The following DISP1 variants were observed in gnomAD, a reference collection of about 807,000 sequenced individuals.
DISP1 encodes dispatched RND transporter family member 1.
A neutral mutation model predicts 37.3 loss-of-function variants in DISP1; 30 were observed. The observed-to-expected ratio is 0.80, with a 90% CI of 0.60 to 1.09. DISP1 has a LOEUF of 1.09. Among genes scored for constraint, DISP1 ranks in the 50% least tolerant of loss-of-function variants. The pLI is 0.00. For synonymous variants in DISP1, 634 were observed against 690.2 expected (o/e 0.92, Z 1.28); for missense variants, 1,598 against 1,879.5 (o/e 0.85, Z 2.77).
intron 1 of DISP1, among the ~76,000 whole-genome samples, chr1:222,905,953 T>C (rs1376369675): frequency 6.6e-6 from 1 of 152,242 alleles, no homozygotes; most frequent in Non-Finnish European, 1.5e-5. Flanking sequence ...AAATATGTTA[T>C]CTAAAAAGTT....
At chr1:222,924,591 G>T (rs112551409) in intron 1 of DISP1, among the ~76,000 whole-genome samples, 454 of 152,212 alleles carry the variant, frequency 3.0e-3, no homozygotes, top group African/African-American at 0.01. Context: ...ATCCAATATA[G>T]AATATTATCT....
At chr1:222,952,795 C>T (rs1025687649) in intron 3 of DISP1, among the ~76,000 whole-genome samples, 4 of 152,048 alleles carry the variant, frequency 2.6e-5, no homozygotes, top group Admixed American at 6.5e-5. Flanking sequence ...TGCAGTGAGC[C>T]GAGATCGCGC....
At chr1:222,992,878 T>TTTTTTTTTTTTTTG (rs1678803004) in intron 7 of DISP1, among the ~76,000 whole-genome samples, 1 of 149,576 alleles carries the variant, frequency 6.7e-6, no homozygotes, top group Non-Finnish European at 1.5e-5. Flanking sequence ...TTTTTTTTTT[T>TTTTTTTTTTTTTTG]GAGACAGAGT....
rs768099137 is a variant in DISP1 at position 223,004,932 on chromosome 1, G to T, written c.3535G>T (p.Asp1179Tyr). ...ACATACCATAAATGCTTATCATTTAGATCCCAGGGGCCCAAAATCTGAACT... is the reference window on the plus strand; with the variant it reads ...ACATACCATAAATGCTTATCATTTATATCCCAGGGGCCCAAAATCTGAACT... ...KTHTINAYHL[D>Y]PRGPKSELEH... is the part of the protein sequence containing the mutation. The change falls in exon 9 of 9, where the codon GAT (aspartate) becomes TAT (tyrosine). Residue 1179 changes from aspartate (D) to tyrosine (Y), a missense_variant. Asp to Tyr is a radical substitution (Grantham distance 160, BLOSUM62 -3). Coordinates refer to ENST00000675850, the MANE Select transcript of DISP1 (RefSeq NM_001377229.1). This position sits in a 1 kb window ranked among gnomAD's most constrained non-coding sequence, Gnocchi z 4.9. 3.1e-6 allele frequency: 5 copies of T among 1,612,672 alleles called. No individual in the cohort carries two copies. The highest frequency in any genetic ancestry group is 3.4e-6 in the Non-Finnish European group (4 of 1,180,030).
intron 1 of DISP1, among the ~76,000 whole-genome samples, chr1:222,912,427 T>A (rs1672260763): frequency 6.6e-6 from 1 of 152,220 alleles, no homozygotes; most frequent in South Asian, 2.1e-4. Context: ...GTTTCCTACT[T>A]TTCCCTCAGA....
intron 1 of DISP1, among the ~76,000 whole-genome samples, chr1:222,825,131 C>G (rs2125177136): frequency 6.9e-6 from 1 of 145,148 alleles, no homozygotes; most frequent in African/African-American, 2.6e-5. Flanking sequence ...CAAATAGTCT[C>G]TCCCCAGGGA....
intron 1 of DISP1, among the ~76,000 whole-genome samples, chr1:222,821,223 G>A (rs1326260891): frequency 1.3e-5 from 2 of 152,182 alleles, no homozygotes; most frequent in Non-Finnish European, 2.9e-5. Context: ...TAATTCAGAT[G>A]GGGTTGGGAA....
chr1:222,839,291 A>G (rs1336443846), intron 1 of DISP1, among the ~76,000 whole-genome samples: 1 of 152,184 alleles, frequency 6.6e-6, no homozygotes, highest in Non-Finnish European at 1.5e-5. Context: ...CATGCTTCTT[A>G]TGAGAATCTA....
At chr1:222,903,815 T>C (rs1671749415) in intron 1 of DISP1, among the ~76,000 whole-genome samples, 1 of 152,216 alleles carries the variant, frequency 6.6e-6, no homozygotes, top group South Asian at 2.1e-4. Flanking sequence ...ACCTAAGCCA[T>C]TCCCAGGTTC....
At position 222,943,268 on chromosome 1, in the gene DISP1, C is replaced by T. The variant is rs1473058343; in HGVS notation, c.445C>T (p.Leu149=). 2 of 1,614,130 alleles carry T rather than the reference C, an allele frequency of 1.2e-6. No individual in the cohort carries two copies. Among genetic ancestry groups the T allele is most frequent in the African/African-American group, 1.3e-5 (1 of 75,066 alleles). The part of the protein sequence containing the change: ...CCLQPSPSFC[L]HHPWPDHFQH... ...TCTTCAGCCCTCTCCATCCTTCTGC[C>T]TGCATCATCCGTGGCCTGACCATTT... Residue 149 remains leucine, a synonymous_variant, in exon 3 of 9, where the codon CTG becomes TTG. Transcript: ENST00000675850.
intron 8 of DISP1, among the ~76,000 whole-genome samples, chr1:223,001,404 C>A (rs879542011): frequency 4.6e-5 from 7 of 152,118 alleles, no homozygotes; most frequent in African/African-American, 1.4e-4. Context: ...ATATTTTAAT[C>A]CAGAAACATT....
At chr1:222,842,896 C>T (rs901545283) in intron 1 of DISP1, among the ~76,000 whole-genome samples, 5 of 151,966 alleles carry the variant, frequency 3.3e-5, no homozygotes, top group Non-Finnish European at 5.9e-5. Flanking sequence ...GACAGTGTAA[C>T]AGTAGATCTA....
chr1:222,962,809 C>T (rs1038413825), intron 3 of DISP1, among the ~76,000 whole-genome samples: 1 of 152,088 alleles, frequency 6.6e-6, no homozygotes, highest in African/African-American at 2.4e-5. Flanking sequence ...AATGTAAAAC[C>T]CAAAACCATA....
chr1:223,002,311 G>T, intron 8 of DISP1, 74 bp from the exon 9 acceptor site: 2 of 1,340,234 alleles, frequency 1.5e-6, no homozygotes, highest in Non-Finnish European at 2.1e-6. Flanking sequence ...TCACCTTAGT[G>T]CAGTCCTTTC....
chr1:222,994,768 T>G lies in DISP1; in HGVS notation c.890-117T>G, dbSNP rs1002771045. ...TTTATCAAAGGAAAGAATTTCCTGC[T>G]GCTAATGAATCATCCATGTGGTTTC... On this transcript the variant is annotated intron_variant, in intron 7 of 8. Transcript: ENST00000675850. The G allele has an allele frequency of 6.8e-6, 5 of 733,722 alleles. No individual in the cohort carries two copies. In the African/African-American group the frequency reaches 8.9e-5, roughly 13 times the overall value. The allele number at this position is 733,722 out of a possible 1,614,324, so 45.5% of individuals were successfully genotyped here.
At chr1:222,982,073 T>G (rs1430184716) in intron 3 of DISP1, among the ~76,000 whole-genome samples, 1 of 152,228 alleles carries the variant, frequency 6.6e-6, no homozygotes, top group African/African-American at 2.4e-5. Flanking sequence ...AATAACACAT[T>G]TTGTGAATAA....
At chr1:222,908,163 T>C (rs1055232051) in intron 1 of DISP1, among the ~76,000 whole-genome samples, 4 of 152,060 alleles carry the variant, frequency 2.6e-5, no homozygotes, top group African/African-American at 7.2e-5. Flanking sequence ...TTATGTATAG[T>C]AGGTAAAAAA....
chr1:222,992,864 ATTT>A, intron 7 of DISP1, among the ~76,000 whole-genome samples: 1 of 118,618 alleles, frequency 8.4e-6, no homozygotes, highest in South Asian at 2.9e-4. Context: ...AAAACCCAGA[ATTT>A]TTTTTTTTTT....
chr1:222,990,024 G>A (rs1015202252), intron 4 of DISP1, among the ~76,000 whole-genome samples: 9 of 151,970 alleles, frequency 5.9e-5, no homozygotes, highest in Non-Finnish European at 1.2e-4. Flanking sequence ...GGATGGTCTC[G>A]AACTCCTGAC....
Sources: gnomAD v4.1 joint callset for allele counts (sites outside exome capture counted in the v4.1 genomes callset) on GRCh38, gnomAD v4.1.1 for gene constraint, Gnocchi (gnomAD v3.1) non-coding constraint, MANE v1.5 for transcripts, NCBI Gene and HGNC (gene_info 2026-07-23, HGNC 2026-07-21) for gene names.